The following EIPR1 variants were observed in gnomAD, a reference collection of about 807,000 sequenced individuals.
The protein encoded by EIPR1 is EARP complex and GARP complex interacting protein 1.
Under a neutral mutation model 48.1 loss-of-function variants are expected in EIPR1, and 25 were observed. The ratio of observed to expected loss-of-function variants is 0.52; its 90% CI spans 0.38 to 0.73. The LOEUF is 0.73. Among genes scored for constraint, EIPR1 ranks in the 30% least tolerant of loss-of-function variants. EIPR1 has a pLI of 0.00. For synonymous variants in EIPR1, 204 were observed against 201.9 expected (o/e 1.01, Z -0.09); for missense variants, 415 against 506.2 (o/e 0.82, Z 1.73).
intron 3 of EIPR1, among the ~76,000 whole-genome samples, chr2:3,280,103 T>C (rs1226677291): frequency 6.6e-6 from 1 of 152,236 alleles, no homozygotes; most frequent in Non-Finnish European, 1.5e-5. Flanking sequence ...AGGAAAGGGA[T>C]GTGTTGTGGT....
intron 4 of EIPR1, among the ~76,000 whole-genome samples, chr2:3,243,400 CAGGTGGATCA>C (rs79000174): frequency 0.26 from 40,216 of 151,936 alleles, 6,625 homozygotes; most frequent in Non-Finnish European, 0.38. Flanking sequence ...GAGGTCAAGG[CAGGTGGATCA>C]CCTGAGGTCA....
chr2:3,299,759 G>T (rs755102780), intron 3 of EIPR1, among the ~76,000 whole-genome samples: 1 of 151,834 alleles, frequency 6.6e-6, no homozygotes, highest in Admixed American at 6.6e-5. Context: ...AATCTTATAC[G>T]TCCCTAAGAT....
chr2:3,294,933 G>C (rs1668497556), intron 3 of EIPR1, among the ~76,000 whole-genome samples: 1 of 64,888 alleles, frequency 1.5e-5, no homozygotes, highest in Non-Finnish European at 2.8e-5. Flanking sequence ...CCGCCATCCA[G>C]CCCATCCTCT....
intron 5 of EIPR1, among the ~76,000 whole-genome samples, chr2:3,212,706 G>A (rs942390651): frequency 2.6e-5 from 4 of 152,186 alleles, no homozygotes; most frequent in African/African-American, 7.2e-5. Context: ...CAGCCTGCAG[G>A]TGTGGTCCAC....
intron 3 of EIPR1, among the ~76,000 whole-genome samples, chr2:3,271,656 C>T (rs1340360613): frequency 6.6e-6 from 1 of 152,192 alleles, no homozygotes; most frequent in Non-Finnish European, 1.5e-5. Context: ...ATGCTATGAA[C>T]AGATGTGCTG....
rs1438909942 is a variant in EIPR1, at chr2:3,249,065, C to T, written c.416+8234G>A. Among the ~76,000 whole-genome samples, 10 of 152,236 alleles carry T rather than the reference C, an allele frequency of 6.6e-5. No individual in the cohort carries two copies. In the South Asian group the frequency reaches 1.0e-3, roughly 16 times the overall value. On this transcript the variant is annotated intron_variant, in intron 4 of 8. Transcript: ENST00000382125. ...GGTACTGAGGAGGGGAGCATTGCTA[C>T]GAAGATGCTTGAAAATGTGGAGCAG...
At chr2:3,350,045 G>C (rs1208999826) in intron 2 of EIPR1, among the ~76,000 whole-genome samples, 1 of 150,384 alleles carries the variant, frequency 6.6e-6, no homozygotes, top group Admixed American at 6.6e-5. Context: ...TTGAACCTGG[G>C]AGGCAGAGGT....
intron 3 of EIPR1, among the ~76,000 whole-genome samples, chr2:3,303,227 G>A (rs1382940464): frequency 6.6e-6 from 1 of 152,232 alleles, no homozygotes; most frequent in Non-Finnish European, 1.5e-5. Context: ...TCAACGTGAG[G>A]GGCTGGGTGG....
chr2:3,282,523 C>T (rs1422736353), intron 3 of EIPR1: 2 of 152,242 alleles, frequency 1.3e-5, no homozygotes, highest in Non-Finnish European at 2.9e-5. Context: ...TCATGTTTAA[C>T]CTTGAAACCC....
Position 3,219,067 on chromosome 2 carries a change from G to A in EIPR1, c.417-4819C>T, listed in dbSNP as rs377411488. Among the ~76,000 whole-genome samples, 25 of 149,780 alleles carry A rather than the reference G, an allele frequency of 1.7e-4. No individual in the cohort carries two copies. In the East Asian group the frequency reaches 2.4e-3, roughly 14 times the overall value. ...AGTGACTCAGGTGCACACCCAACAC[G>A]GCCCTGGTATACTCTAGAGCATTCA... On this transcript the variant is annotated intron_variant, in intron 4 of 8. Coordinates refer to ENST00000382125, the MANE Select transcript of EIPR1 (RefSeq NM_003310.5).
In EIPR1 at chr2:3,302,509, T is replaced by G. The variant is rs556190295; in HGVS notation, c.259+35508A>C. 2.0e-5 allele frequency among the ~76,000 whole-genome samples: 3 copies of G among 152,358 alleles called. No homozygotes were observed. The East Asian group carries it at 5.8e-4, about 29-fold the overall frequency. On this transcript the variant is annotated intron_variant, in intron 3 of 8. Coordinates refer to ENST00000382125, the MANE Select transcript of EIPR1 (RefSeq NM_003310.5). ...CTCTCCTTTCTTTGCCTCCCAGTTC[T>G]TTTCTGTTGGCTGCTTCTCCTTCTG...
chr2:3,302,225 GGGT>G (rs1404292217), intron 3 of EIPR1, among the ~76,000 whole-genome samples: 3 of 152,182 alleles, frequency 2.0e-5, no homozygotes, highest in African/African-American at 4.8e-5. Context: ...AGTTTAACGA[GGGT>G]GCCTCTGGGC....
intron 3 of EIPR1, chr2:3,318,835 A>AC (rs1669400349): frequency 6.4e-6 from 3 of 470,510 alleles, no homozygotes; most frequent in Admixed American, 4.7e-5. Flanking sequence ...GTGCTTGTTT[A>AC]CATAAACACC....
At chr2:3,294,012 T>A (rs570247872) in intron 3 of EIPR1, among the ~76,000 whole-genome samples, 10 of 152,286 alleles carry the variant, frequency 6.6e-5, no homozygotes, top group Admixed American at 5.2e-4. Flanking sequence ...TCTTTGATGA[T>A]ATCCAAAGTG....
intron 8 of EIPR1, among the ~76,000 whole-genome samples, chr2:3,190,668 G>A (rs1054846089): frequency 6.6e-6 from 1 of 152,192 alleles, no homozygotes. Context: ...GACAGACATG[G>A]TGAGGAAGTG....
At chr2:3,283,944 TAA>T (rs59593196) in intron 3 of EIPR1, among the ~76,000 whole-genome samples, 12 of 92,900 alleles carry the variant, frequency 1.3e-4, no homozygotes, top group South Asian at 1.0e-3. Context: ...AGACTACATC[TAA>T]AAAAAAAAAA....
chr2:3,309,688 T>A (rs1669062209), intron 3 of EIPR1, among the ~76,000 whole-genome samples: 1 of 151,992 alleles, frequency 6.6e-6, no homozygotes, highest in South Asian at 2.1e-4. Flanking sequence ...GTGGAGGGCA[T>A]GAAAATGGCC....
chr2:3,272,166 G>C (rs979960662), intron 3 of EIPR1, among the ~76,000 whole-genome samples: 2 of 152,210 alleles, frequency 1.3e-5, no homozygotes, highest in African/African-American at 4.8e-5. Flanking sequence ...TCCGGATTAG[G>C]CTTTGGCTTA....
At chr2:3,335,214 T>C (rs578250408) in intron 3 of EIPR1, among the ~76,000 whole-genome samples, 4 of 152,134 alleles carry the variant, frequency 2.6e-5, no homozygotes, top group African/African-American at 9.7e-5. Flanking sequence ...TGAAGAGGCA[T>C]GCGCTGTTGG....
Sources: gnomAD v4.1 joint callset for allele counts (sites outside exome capture counted in the v4.1 genomes callset) on GRCh38, gnomAD v4.1.1 for gene constraint, MANE v1.5 for transcripts, NCBI Gene and HGNC (gene_info 2026-07-23, HGNC 2026-07-21) for gene names.